TGFBR2: variants seen among roughly 807,000 people sequenced by gnomAD.
TGFBR2 encodes TGF-beta receptor type-2.
In TGFBR2, 18 loss-of-function variants were observed where a neutral mutation model predicts 49.0. The observed-to-expected ratio is 0.37, with a 90% CI of 0.25 to 0.54. The LOEUF (loss-of-function observed/expected upper bound fraction) is 0.54. Among genes scored for constraint, TGFBR2 ranks in the 20% least tolerant of loss-of-function variants. The probability of loss-of-function intolerance (pLI) is 0.85; values close to 1 mark genes in which losing one functional copy is unlikely to be tolerated. For synonymous variants in TGFBR2, 282 were observed against 275.9 expected (o/e 1.02, Z -0.22); for missense variants, 525 against 722.6 (o/e 0.73, Z 3.13).
chr3:30,627,776 A>G (rs561235948), intron 1 of TGFBR2, among the ~76,000 whole-genome samples: 1 of 152,118 alleles, frequency 6.6e-6, no homozygotes, highest in Admixed American at 6.5e-5. Context: ...GGTGCAAATA[A>G]GGAACTGAAT....
intron 1 of TGFBR2, among the ~76,000 whole-genome samples, chr3:30,611,640 C>G (rs1575128214): frequency 7.5e-6 from 1 of 134,114 alleles, no homozygotes; most frequent in African/African-American, 2.7e-5. Context: ...GAATGAAGTG[C>G]TAAAATCTAA....
At chr3:30,620,957 G>T (rs9881945) in intron 1 of TGFBR2, among the ~76,000 whole-genome samples, 10,370 of 152,218 alleles carry the variant, frequency 0.068, 541 homozygotes, top group East Asian at 0.14. Flanking sequence ...TAAATATGAG[G>T]CCTTTCTTAC....
In TGFBR2 at chr3:30,672,515, C is replaced by G. The variant is rs746616776; in HGVS notation, c.1254+78C>G. The stretch of plus-strand genomic sequence containing the variant: ...ACCTCTTGATCCATATCTCCTGGCT[C>G]TTATCTCAAACAGCCCTGTACTCTG... On this transcript the variant is annotated intron_variant, in intron 4 of 6. Coordinates refer to ENST00000295754, the MANE Select transcript of TGFBR2 (RefSeq NM_003242.6). This position sits in a 1 kb window ranked among gnomAD's most constrained non-coding sequence, Gnocchi z 4.5. 9.2e-5 allele frequency: 136 copies of G among 1,485,010 alleles called. No homozygotes were observed. The highest frequency in any genetic ancestry group is 1.0e-4 in the Non-Finnish European group (106 of 1,063,852). 92.0% of individuals were successfully genotyped at this position (1,485,010 alleles called of 1,614,324 possible). A position where few individuals can be genotyped will look rare whatever the true frequency, so the allele number is the denominator to read the frequency against.
rs1156455741 is a variant in TGFBR2 at position 30,692,240 on chromosome 3, C to G, written c.*641C>G. 1 of 229,168 alleles carries G rather than the reference C, an allele frequency of 4.4e-6. No individual in the cohort carries two copies. Among genetic ancestry groups the G allele is most frequent in the African/African-American group, 2.2e-5 (1 of 45,092 alleles). 14.2% of individuals were successfully genotyped at this position (229,168 alleles called of 1,614,324 possible). A position where few individuals can be genotyped will look rare whatever the true frequency, so the allele number is the denominator to read the frequency against. On this transcript the variant is annotated 3_prime_UTR_variant, in exon 7 of 7. Coordinates refer to ENST00000295754, the MANE Select transcript of TGFBR2 (RefSeq NM_003242.6). ...GGCCATGGAACTAAGTACAGTGGCA[C>G]TGTTTGAGGACCAGTGTTCCCGGGG...
Position 30,644,781 on chromosome 3 carries a change from T to A in TGFBR2, c.129T>A (p.Gly43=), listed in dbSNP as rs773832753. ...ACATGATAGTCACTGACAACAACGGTGCAGTCAAGTTTCCACAACTGTGTA... is the reference window on the plus strand; with the variant it reads ...ACATGATAGTCACTGACAACAACGGAGCAGTCAAGTTTCCACAACTGTGTA... ...NNDMIVTDNN[G]AVKFPQLCKF... is the part of the protein sequence containing the mutation. Residue 43 remains glycine (G), a synonymous_variant, in exon 2 of 7, where the codon GGT becomes GGA. Transcript: ENST00000295754. The A allele has an allele frequency of 6.2e-7, 1 of 1,614,148 alleles. No homozygotes were observed. Among genetic ancestry groups the A allele is most frequent in the Non-Finnish European group, 8.5e-7 (1 of 1,179,990 alleles).
intron 5 of TGFBR2, among the ~76,000 whole-genome samples, chr3:30,681,720 G>A (rs182916971): frequency 4.8e-4 from 73 of 152,270 alleles, no homozygotes; most frequent in African/African-American, 9.1e-4. Context: ...GTTCAGCCCC[G>A]TCTGTCTGGC....
rs138036906 is a variant in TGFBR2, at chr3:30,692,587, C to T, written c.*988C>T. On this transcript the variant is annotated 3_prime_UTR_variant, in exon 7 of 7. Coordinates refer to ENST00000295754, the MANE Select transcript of TGFBR2 (RefSeq NM_003242.6). ...AGCAAATTCTCACTCTAGGCTTTAT[C>T]GTGTTTACTTTTTCATTACACTTGA... The T allele has an allele frequency of 9.1e-4, 213 of 233,068 alleles. 1 individual carries two copies. The East Asian group carries it at 0.013, about 14-fold the overall frequency. The allele number at this position is 233,068 out of a possible 1,614,324, so 14.4% of individuals were successfully genotyped here. A position where few individuals can be genotyped will look rare whatever the true frequency, so the allele number is the denominator to read the frequency against.
Position 30,691,819 on chromosome 3 carries a change from C to T in TGFBR2, c.*220C>T, listed in dbSNP as rs1221938269. 2 of 566,684 alleles carry T rather than the reference C, an allele frequency of 3.5e-6. No homozygotes were observed. Among genetic ancestry groups the T allele is most frequent in the Non-Finnish European group, 6.3e-6 (2 of 315,458 alleles). The allele number at this position is 566,684 out of a possible 1,614,324, so 35.1% of individuals were successfully genotyped here. A position where few individuals can be genotyped will look rare whatever the true frequency, so the allele number is the denominator to read the frequency against. On this transcript the variant is annotated 3_prime_UTR_variant, in exon 7 of 7. Transcript: ENST00000295754. ...ATTGTCATAGGATAAGCTGTGTTAG[C>T]ACTTCCTCAGGAAATGAGATTGATT... is the stretch of plus-strand genomic sequence containing the variant.
At chr3:30,682,343 G>T (rs542826877) in intron 5 of TGFBR2, among the ~76,000 whole-genome samples, 2 of 152,306 alleles carry the variant, frequency 1.3e-5, no homozygotes, top group East Asian at 3.9e-4. Flanking sequence ...TACTTACAAT[G>T]CATATTGTTA....
intron 3 of TGFBR2, among the ~76,000 whole-genome samples, chr3:30,655,247 G>C (rs1174258135): frequency 6.6e-6 from 1 of 152,178 alleles, no homozygotes; most frequent in Non-Finnish European, 1.5e-5. Flanking sequence ...AGGAAACCAG[G>C]CCTGTGTAGC....
At position 30,676,834 on chromosome 3, in the gene TGFBR2, T is replaced by C. The variant is rs1699448468; in HGVS notation, c.1396+2588T>C. Among the ~76,000 whole-genome samples the C allele has an allele frequency of 6.6e-6, 1 of 152,250 alleles. No homozygotes were observed. The highest frequency in any genetic ancestry group is 2.1e-4 in the South Asian group (1 of 4,830). Reference sequence around the variant, plus strand: ...GACATAGTTATTATTATCTAGTTTCTTGACTGAGATTTCTTCCCCCAAAAC... The same window carrying C: ...GACATAGTTATTATTATCTAGTTTCCTGACTGAGATTTCTTCCCCCAAAAC... On this transcript the variant is annotated intron_variant, in intron 5 of 6. Transcript: ENST00000295754. The surrounding 1 kb of genome is among the most constrained non-coding windows in gnomAD (Gnocchi z 4.3).
At chr3:30,667,693 CTG>C (rs1699268302) in intron 3 of TGFBR2, among the ~76,000 whole-genome samples, 1 of 152,100 alleles carries the variant, frequency 6.6e-6, no homozygotes, top group African/African-American at 2.4e-5. Context: ...GCAAATACGA[CTG>C]TTTTTATAGA....
intron 1 of TGFBR2, among the ~76,000 whole-genome samples, chr3:30,630,963 A>G (rs114267245): frequency 0.012 from 1,822 of 151,660 alleles, 42 homozygotes; most frequent in African/African-American, 0.043. Context: ...CCAGTCTCAC[A>G]TATTTTGTAT....
intron 1 of TGFBR2, among the ~76,000 whole-genome samples, chr3:30,633,472 C>T (rs1429071569): frequency 1.3e-5 from 2 of 152,178 alleles, no homozygotes; most frequent in East Asian, 1.9e-4. Flanking sequence ...TAAATCATGA[C>T]TTTTTGCATT....
chr3:30,656,449 C>G (rs190542978), intron 3 of TGFBR2, among the ~76,000 whole-genome samples: 5 of 152,308 alleles, frequency 3.3e-5, no homozygotes, highest in Non-Finnish European at 5.9e-5. Flanking sequence ...TTTCAAGATG[C>G]ATTGTACAAG....
At chr3:30,607,839 T>TA (rs1553624187) in intron 1 of TGFBR2, among the ~76,000 whole-genome samples, 1 of 123,748 alleles carries the variant, frequency 8.1e-6, no homozygotes, top group Admixed American at 7.5e-5. Flanking sequence ...ATATATATAA[T>TA]TATATATATA....
chr3:30,655,839 G>A (rs564698613), intron 3 of TGFBR2, among the ~76,000 whole-genome samples: 3 of 152,280 alleles, frequency 2.0e-5, no homozygotes, highest in African/African-American at 4.8e-5. Context: ...CCTGATTAAC[G>A]AGAACACTCT....
chr3:30,642,358 A>G (rs1220041121), intron 1 of TGFBR2, among the ~76,000 whole-genome samples: 2 of 152,078 alleles, frequency 1.3e-5, no homozygotes, highest in Non-Finnish European at 1.5e-5. Flanking sequence ...GTTTTTTCCA[A>G]CTAACTATAG....
chr3:30,663,582 C>T (rs527597648), intron 3 of TGFBR2, among the ~76,000 whole-genome samples: 2 of 152,044 alleles, frequency 1.3e-5, no homozygotes, highest in Non-Finnish European at 2.9e-5. Flanking sequence ...AGTAGCAAGA[C>T]GACTACAGAT....
Sources: allele counts gnomAD v4.1 joint callset (sites outside exome capture counted in the v4.1 genomes callset), GRCh38; gene constraint gnomAD v4.1.1; non-coding constraint Gnocchi (gnomAD v3.1); transcripts MANE v1.5; gene names NCBI Gene and HGNC (gene_info 2026-07-23, HGNC 2026-07-21).